Variants in LRP1B observed in about 807,000 individuals in gnomAD.
LRP1B encodes the protein LDL receptor related protein 1B.
A neutral mutation model predicts 556.6 loss-of-function variants in LRP1B; 217 were observed. The observed-to-expected ratio is 0.39, with a 90% CI of 0.35 to 0.44. LRP1B has a LOEUF of 0.44. LRP1B is among the 20% of genes least tolerant of loss of function. The pLI is 1.00. For synonymous variants in LRP1B, 2,047 were observed against 1,865.8 expected, an observed-to-expected ratio of 1.10 and a Z score of -2.50; for missense variants, 5,053 against 5,620.8, an observed-to-expected ratio of 0.90 and a Z score of 3.23.
At chr2:140,439,750 A>T (rs1342089998) in intron 66 of LRP1B, among the ~76,000 whole-genome samples, 1 of 152,046 alleles carries the variant, frequency 6.6e-6, no homozygotes, top group Admixed American at 6.6e-5. Context: ...GGCTCCTTAA[A>T]TTAGAGATTA....
chr2:141,189,332 C>T (rs2105195981), intron 6 of LRP1B, among the ~76,000 whole-genome samples: 1 of 150,764 alleles, frequency 6.6e-6, no homozygotes, highest in South Asian at 2.1e-4. Context: ...ACACCTGAGC[C>T]CAGGGGCAGC....
intron 6 of LRP1B, chr2:141,207,963 G>A (rs74268858): frequency 0.066 from 10,119 of 152,300 alleles, 445 homozygotes; most frequent in East Asian, 0.15. Flanking sequence ...GGCGTGAGCC[G>A]CCGTGTCCGC....
chr2:140,859,398 A>G (rs1692720148), intron 27 of LRP1B, among the ~76,000 whole-genome samples: 1 of 152,086 alleles, frequency 6.6e-6, no homozygotes, highest in African/African-American at 2.4e-5. Context: ...TATTCTTAAA[A>G]TATAACATTT....
intron 16 of LRP1B, among the ~76,000 whole-genome samples, chr2:140,992,070 G>C (rs532427361): frequency 6.6e-5 from 10 of 151,998 alleles, no homozygotes; most frequent in African/African-American, 2.4e-4. Flanking sequence ...AGGAATAGTG[G>C]CAGGCATAAT....
chr2:140,441,958 A>T (rs1686446375), intron 66 of LRP1B, among the ~76,000 whole-genome samples: 1 of 152,354 alleles, frequency 6.6e-6, no homozygotes, highest in Admixed American at 6.5e-5. Context: ...TTAAGAAATA[A>T]TTATTGTAAA....
chr2:142,105,393 C>T (rs1706712158), intron 1 of LRP1B, among the ~76,000 whole-genome samples: 1 of 152,094 alleles, frequency 6.6e-6, no homozygotes, highest in Non-Finnish European at 1.5e-5. Context: ...TGTGTCATTT[C>T]TCATTGACAC....
intron 58 of LRP1B, among the ~76,000 whole-genome samples, chr2:140,486,066 T>C (rs1210724491): frequency 6.6e-6 from 1 of 151,978 alleles, no homozygotes; most frequent in African/African-American, 2.4e-5. Context: ...GCTGCTGTTA[T>C]CAATTTTAAT....
intron 32 of LRP1B, among the ~76,000 whole-genome samples, chr2:140,794,904 C>T (rs1690251739): frequency 6.6e-6 from 1 of 152,050 alleles, no homozygotes; most frequent in African/African-American, 2.4e-5. Context: ...TGAGCAACCG[C>T]ACCCAGCCGG....
chr2:141,081,624 C>T (rs111390351), intron 7 of LRP1B, among the ~76,000 whole-genome samples: 24 of 152,186 alleles, frequency 1.6e-4, no homozygotes, highest in African/African-American at 5.1e-4. Flanking sequence ...TTGATTCCTA[C>T]GGTGGGTGGT....
At chr2:141,987,726 A>G (rs543056769) in intron 1 of LRP1B, among the ~76,000 whole-genome samples, 4 of 152,028 alleles carry the variant, frequency 2.6e-5, no homozygotes, top group Admixed American at 2.6e-4. Context: ...AAGCTTTTCA[A>G]AAATAATACT....
At chr2:140,267,339 T>TG (rs1682252602) in intron 86 of LRP1B, among the ~76,000 whole-genome samples, 1 of 151,994 alleles carries the variant, frequency 6.6e-6, no homozygotes, top group Admixed American at 6.6e-5. Flanking sequence ...TCAGTATCTG[T>TG]GGGGAACTGG....
intron 3 of LRP1B, among the ~76,000 whole-genome samples, chr2:141,450,507 A>G (rs1440517488): frequency 6.6e-6 from 1 of 152,028 alleles, no homozygotes; most frequent in South Asian, 2.1e-4. Flanking sequence ...CTTATACATA[A>G]CATCATCAAC....
intron 21 of LRP1B, among the ~76,000 whole-genome samples, chr2:140,914,296 G>A (rs1262166640): frequency 6.6e-6 from 1 of 152,066 alleles, no homozygotes; most frequent in African/African-American, 2.4e-5. Flanking sequence ...AGAATGGAAT[G>A]GGTTATGTTG....
At chr2:140,709,603 AAG>A (rs1686962755) in intron 37 of LRP1B, among the ~76,000 whole-genome samples, 1 of 152,102 alleles carries the variant, frequency 6.6e-6, no homozygotes, top group African/African-American at 2.4e-5. Context: ...TACATTTTAA[AAG>A]AGCTCAAGTC....
rs529736373 is a variant in LRP1B at position 141,156,612 on chromosome 2, G to A, written c.1013+31809C>T. Among the ~76,000 whole-genome samples, 11 of 147,650 alleles carry A rather than the reference G, an allele frequency of 7.5e-5. No individual in the cohort carries two copies. The South Asian group carries it at 1.7e-3, about 23-fold the overall frequency. On this transcript the variant is annotated intron_variant, in intron 7 of 90. Coordinates refer to ENST00000389484, the MANE Select transcript of LRP1B (RefSeq NM_018557.3). ...CATTGCACTCCATCCCGGGCGACAG[G>A]GCTATCTCAGAAAAAAAAAAAAAAT... is the stretch of plus-strand genomic sequence containing the variant.
At chr2:142,049,716 T>C (rs989444443) in intron 1 of LRP1B, among the ~76,000 whole-genome samples, 6 of 152,126 alleles carry the variant, frequency 3.9e-5, no homozygotes, top group Non-Finnish European at 7.4e-5. Flanking sequence ...TTACAGCAAG[T>C]ATTTGAAAGA....
At chr2:140,526,028 T>C (rs780383217) in intron 48 of LRP1B, 35 bp from the exon 49 acceptor site, 8 of 1,605,362 alleles carry the variant, frequency 5.0e-6, no homozygotes, top group African/African-American at 1.3e-5. Context: ...AAAAAGTACC[T>C]CATTTTCAAA....
chr2:140,545,519 C>T (rs980048674), intron 43 of LRP1B, among the ~76,000 whole-genome samples: 16 of 152,002 alleles, frequency 1.1e-4, no homozygotes, highest in Admixed American at 9.8e-4. Flanking sequence ...GCTATTTATC[C>T]CAGCACCATT....
intron 86 of LRP1B, among the ~76,000 whole-genome samples, chr2:140,251,661 C>A (rs755957232): frequency 6.6e-6 from 1 of 151,754 alleles, no homozygotes; most frequent in Non-Finnish European, 1.5e-5. Flanking sequence ...AAAGAAAAAT[C>A]TTTTAATATA....
Sources: gnomAD v4.1 joint callset for allele counts (sites outside exome capture counted in the v4.1 genomes callset) on GRCh38, gnomAD v4.1.1 for gene constraint, MANE v1.5 for transcripts, NCBI Gene and HGNC (gene_info 2026-07-23, HGNC 2026-07-21) for gene names.